The following LRRTM4 variants were observed in gnomAD, a reference collection of about 807,000 sequenced individuals.
The protein encoded by LRRTM4 is leucine-rich repeat transmembrane neuronal protein 4.
A neutral mutation model predicts 47.6 loss-of-function variants in LRRTM4; 25 were observed. That is an observed-to-expected ratio of 0.53 (90% CI 0.38 to 0.73). LRRTM4 has a LOEUF of 0.73. LRRTM4 is among the 30% of genes least tolerant of loss of function. LRRTM4 has a pLI of 0.00. For synonymous variants in LRRTM4, 311 were observed against 269.5 expected, an observed-to-expected ratio of 1.15 and a Z score of -1.51; for missense variants, 638 against 713.4, an observed-to-expected ratio of 0.89 and a Z score of 1.20.
At chr2:76,921,933 A>G (rs1364535842) in intron 3 of LRRTM4, among the ~76,000 whole-genome samples, 1 of 152,144 alleles carries the variant, frequency 6.6e-6, no homozygotes, top group Admixed American at 6.6e-5. Flanking sequence ...CACTATCTGA[A>G]GAGATATTTG....
intron 3 of LRRTM4, among the ~76,000 whole-genome samples, chr2:77,027,083 C>G (rs1269842725): frequency 1.3e-5 from 2 of 151,992 alleles, no homozygotes; most frequent in Non-Finnish European, 2.9e-5. Flanking sequence ...CTATAGTGCC[C>G]ACAACCCACA....
At chr2:76,924,116 A>C (rs1674515584) in intron 3 of LRRTM4, among the ~76,000 whole-genome samples, 1 of 151,988 alleles carries the variant, frequency 6.6e-6, no homozygotes, top group Admixed American at 6.6e-5. Context: ...TTAAGGTGTG[A>C]AATGAAGACA....
intron 3 of LRRTM4, among the ~76,000 whole-genome samples, chr2:77,439,748 C>T (rs189763156): frequency 4.6e-5 from 7 of 152,190 alleles, no homozygotes; most frequent in East Asian, 1.9e-4. Context: ...TTACAGGTGA[C>T]GCTACTATAC....
intron 3 of LRRTM4, among the ~76,000 whole-genome samples, chr2:77,448,502 A>G (rs1676138559): frequency 6.6e-6 from 1 of 152,166 alleles, no homozygotes; most frequent in Admixed American, 6.6e-5. Flanking sequence ...CTTTTCAAGT[A>G]TCTTCATTCA....
At chr2:76,815,313 C>T (rs569769158) in intron 3 of LRRTM4, among the ~76,000 whole-genome samples, 8 of 152,168 alleles carry the variant, frequency 5.3e-5, no homozygotes, top group African/African-American at 1.9e-4. Flanking sequence ...TAACGGGTGA[C>T]TGTGTTGCTC....
At chr2:76,799,662 G>C (rs927470225) in intron 3 of LRRTM4, among the ~76,000 whole-genome samples, 3 of 132,040 alleles carry the variant, frequency 2.3e-5, no homozygotes, top group African/African-American at 9.1e-5. Flanking sequence ...AAGTCAAATT[G>C]TCCCTGTTTG....
intron 3 of LRRTM4, among the ~76,000 whole-genome samples, chr2:76,975,987 ATTTCT>A (rs1676406190): frequency 6.6e-6 from 1 of 151,696 alleles, no homozygotes; most frequent in Non-Finnish European, 1.5e-5. Flanking sequence ...GGTTTTCTTC[ATTTCT>A]TGCTTCTAAT....
intron 3 of LRRTM4, among the ~76,000 whole-genome samples, chr2:76,990,185 G>T (rs571107229): frequency 1.3e-5 from 2 of 151,674 alleles, no homozygotes; most frequent in Admixed American, 1.3e-4. Context: ...TCTTAATTTT[G>T]TTTCCACCTA....
At chr2:77,493,500 C>T (rs1678247222) in intron 3 of LRRTM4, among the ~76,000 whole-genome samples, 1 of 152,028 alleles carries the variant, frequency 6.6e-6, no homozygotes, top group African/African-American at 2.4e-5. Context: ...GAAAGACTGT[C>T]ATTTTATTTT....
chr2:77,428,154 T>C (rs1403263414), intron 3 of LRRTM4, among the ~76,000 whole-genome samples: 2 of 152,166 alleles, frequency 1.3e-5, no homozygotes, highest in Admixed American at 6.5e-5. Flanking sequence ...TCTGTCATGA[T>C]TGTAAGTTTC....
intron 3 of LRRTM4, among the ~76,000 whole-genome samples, chr2:77,356,706 T>C (rs1285311932): frequency 6.6e-6 from 1 of 152,176 alleles, no homozygotes; most frequent in Admixed American, 6.5e-5. Context: ...TAATGCTAAG[T>C]CTAAGTTTCC....
At chr2:76,795,952 G>T (rs1051362710) in intron 3 of LRRTM4, among the ~76,000 whole-genome samples, 20 of 150,978 alleles carry the variant, frequency 1.3e-4, no homozygotes, top group African/African-American at 4.9e-4. Context: ...AGGTCAGTGG[G>T]TGCGCGCACC....
At chr2:77,474,617 T>C (rs1474321998) in intron 3 of LRRTM4, among the ~76,000 whole-genome samples, 5 of 152,128 alleles carry the variant, frequency 3.3e-5, no homozygotes, top group African/African-American at 1.2e-4. Flanking sequence ...TGGTACCAAA[T>C]TGTTAAAAGA....
At chr2:77,313,804 C>A (rs1677541828) in intron 3 of LRRTM4, among the ~76,000 whole-genome samples, 1 of 152,152 alleles carries the variant, frequency 6.6e-6, no homozygotes, top group Non-Finnish European at 1.5e-5. Flanking sequence ...TCCTAAACAT[C>A]AATGATTCTT....
chr2:77,160,889 A>G (rs1311925930), intron 3 of LRRTM4, among the ~76,000 whole-genome samples: 2 of 152,186 alleles, frequency 1.3e-5, no homozygotes, highest in Non-Finnish European at 2.9e-5. Context: ...TTGCTTGCAC[A>G]TAGTCATTAT....
intron 3 of LRRTM4, among the ~76,000 whole-genome samples, chr2:77,089,605 T>C (rs999135938): frequency 6.6e-6 from 1 of 151,918 alleles, no homozygotes; most frequent in Non-Finnish European, 1.5e-5. Context: ...CTCTACTCTC[T>C]CTTTTCTCTA....
At chr2:77,115,554 C>G (rs901198698) in intron 3 of LRRTM4, among the ~76,000 whole-genome samples, 2 of 151,996 alleles carry the variant, frequency 1.3e-5, no homozygotes, top group African/African-American at 4.8e-5. Flanking sequence ...GTTCTTCTGC[C>G]TTGCCTCCAG....
At chr2:77,389,753 A>G (rs1203518771) in intron 3 of LRRTM4, among the ~76,000 whole-genome samples, 1 of 152,016 alleles carries the variant, frequency 6.6e-6, no homozygotes, top group Non-Finnish European at 1.5e-5. Context: ...CACAAGCAGG[A>G]AAAGTTAATA....
intron 3 of LRRTM4, among the ~76,000 whole-genome samples, chr2:77,400,206 C>A (rs1673890231): frequency 6.6e-6 from 1 of 151,558 alleles, no homozygotes; most frequent in South Asian, 2.1e-4. Flanking sequence ...TAACATGATA[C>A]CGTATTCTTT....
Sources: allele counts gnomAD v4.1 joint callset (sites outside exome capture counted in the v4.1 genomes callset), GRCh38; gene constraint gnomAD v4.1.1; transcripts MANE v1.5; gene names NCBI Gene and HGNC (gene_info 2026-07-23, HGNC 2026-07-21).